DPYD: variants seen among roughly 807,000 people sequenced by gnomAD.
The protein encoded by DPYD is dihydropyrimidine dehydrogenase.
In DPYD, 109 loss-of-function variants were observed where a neutral mutation model predicts 116.2. The observed-to-expected ratio is 0.94, with a 90% confidence interval of 0.80 to 1.10. The LOEUF (loss-of-function observed/expected upper bound fraction) is 1.10, where lower values mean the gene tolerates loss of function less well. DPYD is among the 50% of genes least tolerant of loss of function. The pLI, the probability that DPYD is intolerant of heterozygous loss-of-function variation, is 0.00. For missense variants in DPYD, 1,302 were observed against 1,254.5 expected, an observed-to-expected ratio of 1.04 and a Z score of -0.57; for synonymous variants, 440 against 432.0, an observed-to-expected ratio of 1.02 and a Z score of -0.23.
intron 7 of DPYD, among the ~76,000 whole-genome samples, chr1:97,681,780 A>C (rs1660440075): frequency 6.6e-6 from 1 of 152,166 alleles, no homozygotes; most frequent in South Asian, 2.1e-4. Context: ...CCAATATATA[A>C]TAAAGGTTAG....
At chr1:97,627,117 A>C (rs1656978346) in intron 8 of DPYD, among the ~76,000 whole-genome samples, 1 of 151,962 alleles carries the variant, frequency 6.6e-6, no homozygotes, top group Non-Finnish European at 1.5e-5. Flanking sequence ...CTCCACTCTC[A>C]GGTCCTCATC....
Position 97,883,340 on chromosome 1 carries a change from T to A in DPYD, c.74A>T (p.His25Leu), listed in dbSNP as rs776662759. The change falls in exon 2 of 23, where the codon CAT becomes CTT. Residue 25 changes from histidine (H) to leucine (L), a missense_variant. Physicochemically the swap from His to Leu is moderately conservative, Grantham distance 99. Transcript: ENST00000370192. ...GGCCGAAGTGGAACACAGAGTTGCATGAGTTTGTGTTCGAGGATTTAAAGC... is the reference window on the plus strand; with the variant it reads ...GGCCGAAGTGGAACACAGAGTTGCAAGAGTTTGTGTTCGAGGATTTAAAGC... ...ILALNPRTQTHATLCSTSAKK... is the reference protein window; with the variant it reads ...ILALNPRTQTLATLCSTSAKK... The A allele has an allele frequency of 6.2e-6, 10 of 1,612,260 alleles. No homozygotes were observed. Among genetic ancestry groups the A allele is most frequent in the Non-Finnish European group, 7.6e-6 (9 of 1,178,698 alleles).
intron 13 of DPYD, among the ~76,000 whole-genome samples, chr1:97,472,183 A>G (rs1036898814): frequency 1.3e-5 from 2 of 152,222 alleles, no homozygotes; most frequent in African/African-American, 2.4e-5. Flanking sequence ...AAGCATTTCA[A>G]TTGTACTTTC....
chr1:97,902,055 C>T (rs1229280078), intron 1 of DPYD, among the ~76,000 whole-genome samples: 1 of 151,760 alleles, frequency 6.6e-6, no homozygotes, highest in African/African-American at 2.4e-5. Context: ...AGCCTTTCAG[C>T]TTACTGAGTA....
chr1:97,831,846 C>A (rs1669551413), intron 2 of DPYD, among the ~76,000 whole-genome samples: 1 of 151,706 alleles, frequency 6.6e-6, no homozygotes, highest in African/African-American at 2.4e-5. Flanking sequence ...GGCCTGCTAG[C>A]CTAGACAATG....
intron 14 of DPYD, among the ~76,000 whole-genome samples, chr1:97,419,620 C>A (rs1674473357): frequency 6.6e-6 from 1 of 152,116 alleles, no homozygotes; most frequent in Non-Finnish European, 1.5e-5. Context: ...CAGGCCTTTT[C>A]CACATATGTG....
At chr1:97,829,058 T>C (rs1196216002) in intron 2 of DPYD, among the ~76,000 whole-genome samples, 1 of 151,890 alleles carries the variant, frequency 6.6e-6, no homozygotes, top group African/African-American at 2.4e-5. Context: ...TATATACATA[T>C]ATATATGAAT....
chr1:97,691,061 A>AT (rs1660985866), intron 7 of DPYD: 1 of 152,270 alleles, frequency 6.6e-6, no homozygotes, highest in African/African-American at 2.4e-5. Context: ...AAAAATTAAC[A>AT]TTTTTGAAAC....
At chr1:97,158,472 G>GACACACACACACACACACACAC (rs58771302) in intron 20 of DPYD, among the ~76,000 whole-genome samples, 6 of 112,086 alleles carry the variant, frequency 5.4e-5, no homozygotes, top group South Asian at 7.6e-4. Context: ...TAACTCACCA[G>GACACACACACACACACACACAC]ACACACACAC....
chr1:97,227,129 A>G (rs2100716121), intron 19 of DPYD, among the ~76,000 whole-genome samples: 1 of 152,066 alleles, frequency 6.6e-6, no homozygotes, highest in Admixed American at 6.5e-5. Flanking sequence ...GATCGAGACC[A>G]TCCTGGCCAA....
At chr1:97,089,085 G>A (rs567249492) in intron 21 of DPYD, among the ~76,000 whole-genome samples, 17 of 152,110 alleles carry the variant, frequency 1.1e-4, no homozygotes, top group South Asian at 6.2e-4. Context: ...CTGGTGTCCC[G>A]CCAACACTGT....
At chr1:97,563,515 T>C (rs1652313152) in intron 11 of DPYD, among the ~76,000 whole-genome samples, 1 of 152,228 alleles carries the variant, frequency 6.6e-6, no homozygotes, top group South Asian at 2.1e-4. Context: ...GCCACTGCTC[T>C]ACTTCTTGTA....
At chr1:97,555,217 T>C (rs1651605092) in intron 11 of DPYD, among the ~76,000 whole-genome samples, 2 of 152,068 alleles carry the variant, frequency 1.3e-5, no homozygotes, top group Admixed American at 6.6e-5. Flanking sequence ...CTTTAAACTG[T>C]CCTTCTTGGG....
intron 20 of DPYD, among the ~76,000 whole-genome samples, chr1:97,114,112 G>A (rs1557870724): frequency 6.6e-6 from 1 of 152,032 alleles, no homozygotes; most frequent in Non-Finnish European, 1.5e-5. Flanking sequence ...TTCAAAATTT[G>A]CCATCATAGA....
chr1:97,127,608 C>A (rs185767470), intron 20 of DPYD, among the ~76,000 whole-genome samples: 1 of 152,258 alleles, frequency 6.6e-6, no homozygotes, highest in African/African-American at 2.4e-5. Flanking sequence ...CATTTTCCCC[C>A]ATCCTCATTA....
intron 8 of DPYD, among the ~76,000 whole-genome samples, chr1:97,675,650 T>C (rs575653005): frequency 6.6e-6 from 1 of 152,290 alleles, no homozygotes; most frequent in South Asian, 2.1e-4. Context: ...TAATTAAAAA[T>C]ATTTTTTATT....
chr1:97,552,188 T>C lies in DPYD; in HGVS notation c.1340-2444A>G, dbSNP rs180778362. ...TAATTTCAAATCTATGAATTTTTCT[T>C]TTCTTAAAGAAGAGCTCTCAAATTG... On this transcript the variant is annotated intron_variant, in intron 11 of 22. Transcript: ENST00000370192. Among the ~76,000 whole-genome samples, 151 of 152,230 alleles carry C rather than the reference T, an allele frequency of 9.9e-4. 5 individuals carry two copies. Among genetic ancestry groups the C allele is most frequent in the Admixed American group, 9.0e-3 (137 of 15,268 alleles).
intron 14 of DPYD, among the ~76,000 whole-genome samples, chr1:97,404,046 G>T (rs1673515413): frequency 6.6e-6 from 1 of 151,376 alleles, no homozygotes; most frequent in African/African-American, 2.4e-5. Flanking sequence ...TTCGTTTTTG[G>T]CCCATGTGTT....
chr1:97,302,076 C>G (rs1666899136), intron 18 of DPYD, among the ~76,000 whole-genome samples: 1 of 151,896 alleles, frequency 6.6e-6, no homozygotes, highest in Non-Finnish European at 1.5e-5. Context: ...CTCTCCAAAC[C>G]CAATAAACTA....
Sources: gnomAD v4.1 joint callset for allele counts (sites outside exome capture counted in the v4.1 genomes callset) on GRCh38, gnomAD v4.1.1 for gene constraint, MANE v1.5 for transcripts, NCBI Gene and HGNC (gene_info 2026-07-23, HGNC 2026-07-21) for gene names.